GPR155: variants seen among roughly 807,000 people sequenced by gnomAD.
GPR155 encodes lysosomal cholesterol signaling protein.
In GPR155, 65 loss-of-function variants were observed where a neutral mutation model predicts 93.1. The observed-to-expected ratio is 0.70, with a 90% confidence interval of 0.57 to 0.86. GPR155 has a LOEUF of 0.86. Ranked by LOEUF, GPR155 falls within the 40% of genes least tolerant of loss-of-function variation. The pLI is 0.00. For synonymous variants in GPR155, 319 were observed against 360.1 expected, an observed-to-expected ratio of 0.89 and a Z score of 1.29; for missense variants, 838 against 1,034.8, an observed-to-expected ratio of 0.81 and a Z score of 2.61.
Position 174,472,979 on chromosome 2 carries a change from GAGA to G in GPR155, c.843_845del (p.Leu282del), listed in dbSNP as rs1178586534. 13 of 1,584,536 alleles carry G rather than the reference GAGA, an allele frequency of 8.2e-6. No homozygotes were observed. Among genetic ancestry groups the G allele is most frequent in the South Asian group, 1.2e-5 (1 of 84,568 alleles). On this transcript the variant is annotated inframe_deletion, in exon 3 of 16. Coordinates refer to ENST00000392552, the MANE Select transcript of GPR155 (RefSeq NM_152529.7). ...GTGATGCTTACAGTTTAGCTGTGAT[GAGA>G]AGAATTAGTACTACAAATGCCGACT...
intron 7 of GPR155, 103 bp from the exon 8 acceptor site, chr2:174,461,775 T>C: frequency 1.5e-6 from 1 of 678,054 alleles, no homozygotes; most frequent in East Asian, 2.7e-5. Context: ...TATTTCATAG[T>C]AGTGTGTGGT....
At chr2:174,442,833 A>G (rs1687006322) in intron 13 of GPR155, among the ~76,000 whole-genome samples, 1 of 152,216 alleles carries the variant, frequency 6.6e-6, no homozygotes, top group Non-Finnish European at 1.5e-5. Flanking sequence ...TTCATCCCCC[A>G]TACTATAAAC....
In GPR155 at chr2:174,461,477, A is replaced by C; in HGVS notation, c.1485T>G (p.Leu495=). ...TTCCAGTTATCAAAAGAACACCAACAAGGAGAGCAGGAATTCTGTAATCAC... is the reference window on the plus strand; with the variant it reads ...TTCCAGTTATCAAAAGAACACCAACCAGGAGAGCAGGAATTCTGTAATCAC... ...IISGWGIPAL[L]VGVLLITGKH... Residue 495 remains leucine, a synonymous_variant, in exon 9 of 16, where the codon CTT becomes CTG. Transcript: ENST00000392552. The C allele has an allele frequency of 1.9e-6, 3 of 1,612,302 alleles. No homozygotes were observed. The highest frequency in any genetic ancestry group is 2.5e-6 in the Non-Finnish European group (3 of 1,178,374).
chr2:174,481,830 A>G lies in GPR155; in HGVS notation c.127T>C (p.Phe43Leu). The change falls in exon 2 of 16, where the codon TTT (phenylalanine) becomes CTT (leucine). Residue 43 changes from phenylalanine (F) to leucine (L), a missense_variant. Coordinates refer to ENST00000392552, the MANE Select transcript of GPR155 (RefSeq NM_152529.7). Reference protein sequence around the residue: ...DPPSMSITRLFPALLECFGIV... With the variant: ...DPPSMSITRLLPALLECFGIV... ...CCAAAGCATTCCAGTAAGGCTGGAA[A>G]AAGCCTTGTAATTGACATTGAAGGT... 6.2e-7 allele frequency: 1 copy of G among 1,614,158 alleles called. No homozygotes were observed.
chr2:174,482,545 A>C (rs1312146429), intron 1 of GPR155, among the ~76,000 whole-genome samples: 2 of 152,202 alleles, frequency 1.3e-5, no homozygotes, highest in Admixed American at 1.3e-4. Flanking sequence ...AATCAACTTT[A>C]AACCAATAAC....
intron 2 of GPR155, among the ~76,000 whole-genome samples, chr2:174,479,592 A>G (rs1431209270): frequency 6.6e-6 from 1 of 152,248 alleles, no homozygotes; most frequent in Non-Finnish European, 1.5e-5. Context: ...TGTAAACTAC[A>G]TAGTTATAAA....
rs1232160225 is a variant in GPR155 at position 174,450,017 on chromosome 2, A to G, written c.1877-3270T>C. Among the ~76,000 whole-genome samples the G allele has an allele frequency of 1.4e-4, 22 of 151,916 alleles. 1 individual carries two copies. The highest frequency in any genetic ancestry group is 1.4e-3 in the Admixed American group (22 of 15,220). ...AAAAATTAGCCAGGCGTGGTTGCACACGTCCGTAGTCCTGGCTACTTGGTA... is the reference window on the plus strand; with the variant it reads ...AAAAATTAGCCAGGCGTGGTTGCACGCGTCCGTAGTCCTGGCTACTTGGTA... On this transcript the variant is annotated intron_variant, in intron 11 of 15. Coordinates refer to ENST00000392552, the MANE Select transcript of GPR155 (RefSeq NM_152529.7).
At chr2:174,460,117 C>T (rs370224898) in intron 9 of GPR155, 29 bp from the exon 10 acceptor site, 595 of 1,495,028 alleles carry the variant, frequency 4.0e-4, no homozygotes, top group Admixed American at 7.3e-4. Context: ...GATATCAGGC[C>T]ACTTTTCACA....
At chr2:174,466,697 T>C in intron 5 of GPR155, 70 bp from the exon 6 acceptor site, 1 of 787,622 alleles carries the variant, frequency 1.3e-6, no homozygotes, top group Non-Finnish European at 2.1e-6. Flanking sequence ...AATAACACAA[T>C]GATTAGCCTC....
At chr2:174,465,645 C>T in intron 7 of GPR155, 140 bp downstream of exon 7, 2 of 523,210 alleles carry the variant, frequency 3.8e-6, no homozygotes, top group South Asian at 3.5e-5. Flanking sequence ...CCGATGGCCT[C>T]TGTGGGTGGG....
intron 2 of GPR155, among the ~76,000 whole-genome samples, chr2:174,474,099 A>G (rs539565862): frequency 1.3e-5 from 2 of 152,242 alleles, no homozygotes; most frequent in African/African-American, 4.8e-5. Flanking sequence ...GTAGTTCACA[A>G]GACAATGACA....
chr2:174,470,559 A>G lies in GPR155; in HGVS notation c.861-4T>C, dbSNP rs758069725. The stretch of plus-strand genomic sequence containing the variant: ...GCACAGAAGTGGCAGCACCAGACTG[A>G]AGAAAAAAGAAAAACATCATTTACC... On this transcript the variant is annotated splice_region_variant and splice_polypyrimidine_tract_variant and intron_variant, in intron 3 of 15. Coordinates refer to ENST00000392552, the MANE Select transcript of GPR155 (RefSeq NM_152529.7). The G allele has an allele frequency of 1.9e-6, 3 of 1,609,030 alleles. No individual in the cohort carries two copies. Among genetic ancestry groups the G allele is most frequent in the Admixed American group, 1.7e-5 (1 of 59,296 alleles).
At position 174,451,345 on chromosome 2, in the gene GPR155, C is replaced by T. The variant is rs13388724; in HGVS notation, c.1876+2392G>A. 2.8e-3 allele frequency among the ~76,000 whole-genome samples: 430 copies of T among 151,896 alleles called. 4 individuals carry two copies. Among genetic ancestry groups the T allele is most frequent in the African/African-American group, 0.01 (419 of 41,440 alleles). ...AAAAAAATTTTTTATACAGATATTA[C>T]AAAAATGGATAAAAATAAATCTTCT... On this transcript the variant is annotated intron_variant, in intron 11 of 15. Coordinates refer to ENST00000392552, the MANE Select transcript of GPR155 (RefSeq NM_152529.7).
intron 13 of GPR155, among the ~76,000 whole-genome samples, chr2:174,442,435 T>C (rs1574695791): frequency 6.6e-6 from 1 of 152,344 alleles, no homozygotes; most frequent in East Asian, 1.9e-4. Flanking sequence ...ATTTACATGA[T>C]AGTAAAATGA....
In GPR155 at chr2:174,459,829, A is replaced by T. The variant is rs372595470; in HGVS notation, c.1771+49T>A. On this transcript the variant is annotated intron_variant, in intron 10 of 15. Coordinates refer to ENST00000392552, the MANE Select transcript of GPR155 (RefSeq NM_152529.7). ...CACTGCACTCCAGCCGGGATGATAG[A>T]GCAAGATTCTGTCTCAAATAAATAA... 4.5e-4 allele frequency: 624 copies of T among 1,389,538 alleles called. 6 individuals carry two copies. The African/African-American group carries it at 8.4e-3, about 19-fold the overall frequency. The allele number at this position is 1,389,538 out of a possible 1,614,324, so 86.1% of individuals were successfully genotyped here. A position where few individuals can be genotyped will look rare whatever the true frequency, so the allele number is the denominator to read the frequency against.
At chr2:174,464,078 A>G (rs1252038939) in intron 7 of GPR155, among the ~76,000 whole-genome samples, 1 of 152,204 alleles carries the variant, frequency 6.6e-6, no homozygotes, top group Non-Finnish European at 1.5e-5. Flanking sequence ...GAAAAGAACT[A>G]TATACAAACA....
chr2:174,463,831 A>C (rs1447438217), intron 7 of GPR155, among the ~76,000 whole-genome samples: 1 of 152,244 alleles, frequency 6.6e-6, no homozygotes, highest in Non-Finnish European at 1.5e-5. Flanking sequence ...TATATAAAGA[A>C]TACATACCTA....
chr2:174,456,548 C>G (rs553908264), intron 10 of GPR155, among the ~76,000 whole-genome samples: 21 of 152,178 alleles, frequency 1.4e-4, no homozygotes, highest in African/African-American at 5.1e-4. Flanking sequence ...GGCAATTCAC[C>G]TGCCTCAGCC....
At chr2:174,451,326 AT>A (rs55936013) in intron 11 of GPR155, among the ~76,000 whole-genome samples, 93,074 of 148,344 alleles carry the variant, frequency 0.63, 31,043 homozygotes, top group Middle Eastern at 0.81. Flanking sequence ...AAAAAAAAAA[AT>A]TTTTTATACA....
Sources: gnomAD v4.1 joint callset for allele counts (sites outside exome capture counted in the v4.1 genomes callset) on GRCh38, gnomAD v4.1.1 for gene constraint, MANE v1.5 for transcripts, NCBI Gene and HGNC (gene_info 2026-07-23, HGNC 2026-07-21) for gene names.